Variants in FAM184A observed in about 807,000 individuals in gnomAD.
FAM184A encodes the protein family with sequence similarity 184 member A.
FAM184A carries 99 observed loss-of-function variants against 143.8 expected under a neutral mutation model. That is an observed-to-expected ratio of 0.69 (90% CI 0.58 to 0.81). FAM184A has a LOEUF of 0.81. Among genes scored for constraint, FAM184A ranks in the 40% least tolerant of loss-of-function variants. The pLI is 0.00. For synonymous variants in FAM184A, 427 were observed against 446.4 expected, an observed-to-expected ratio of 0.96 and a Z score of 0.55; for missense variants, 1,217 against 1,310.5, an observed-to-expected ratio of 0.93 and a Z score of 1.10.
At chr6:119,098,728 C>T (rs1367532279) in intron 1 of FAM184A, among the ~76,000 whole-genome samples, 4 of 152,160 alleles carry the variant, frequency 2.6e-5, no homozygotes, top group Non-Finnish European at 5.9e-5. Context: ...GAACAAAGAA[C>T]CGTGGTCAGA....
chr6:119,090,038 C>T (rs911232799), intron 1 of FAM184A, among the ~76,000 whole-genome samples: 5 of 152,172 alleles, frequency 3.3e-5, no homozygotes, highest in African/African-American at 1.2e-4. Flanking sequence ...ACAACACAGC[C>T]AACCCTTTCT....
chr6:118,983,709 A>G (rs1784087696), intron 9 of FAM184A, among the ~76,000 whole-genome samples: 1 of 152,144 alleles, frequency 6.6e-6, no homozygotes, highest in Non-Finnish European at 1.5e-5. Context: ...TTTTAGAGAC[A>G]ATTTTAAAGG....
intron 6 of FAM184A, among the ~76,000 whole-genome samples, chr6:119,009,106 TA>T (rs1425662252): frequency 6.6e-6 from 1 of 152,232 alleles, no homozygotes; most frequent in Non-Finnish European, 1.5e-5. Flanking sequence ...TATGCTTTAG[TA>T]ACTGGTACCT....
chr6:119,142,873 C>T (rs144222180), intron 1 of FAM184A, among the ~76,000 whole-genome samples: 69 of 152,176 alleles, frequency 4.5e-4, no homozygotes, highest in African/African-American at 7.0e-4. Context: ...TATTGCTGAC[C>T]GGATAAAATG....
Position 119,102,176 on chromosome 6 carries a change from C to G in FAM184A, c.-202+46902G>C, listed in dbSNP as rs150099136. ...AGTAGTTAGGGCAGGGCACAGGAAA[C>G]AGCAGATTGTTTTCCATCCCTCATC... is the stretch of plus-strand genomic sequence containing the variant. On this transcript the variant is annotated intron_variant, in intron 1 of 16. Transcript: ENST00000352896. Among the ~76,000 whole-genome samples the G allele has an allele frequency of 1.7e-3, 262 of 152,210 alleles. 1 individual carries two copies. The highest frequency in any genetic ancestry group is 5.8e-3 in the African/African-American group (242 of 41,522).
intron 1 of FAM184A, among the ~76,000 whole-genome samples, chr6:119,136,959 G>T (rs1162960482): frequency 6.6e-6 from 1 of 152,200 alleles, no homozygotes; most frequent in Non-Finnish European, 1.5e-5. Flanking sequence ...TGGCAAAATT[G>T]CAGATAGCTA....
intron 2 of FAM184A, among the ~76,000 whole-genome samples, chr6:119,023,562 C>CA (rs1554269170): frequency 8.5e-6 from 1 of 118,204 alleles, no homozygotes; most frequent in African/African-American, 3.4e-5. Context: ...TCCGCCCCCC[C>CA]CCCCAGGAAC....
upstream of FAM184A, among the ~76,000 whole-genome samples, chr6:119,083,398 A>C (rs1286764383): frequency 6.6e-6 from 1 of 152,226 alleles, no homozygotes; most frequent in African/African-American, 2.4e-5. Context: ...TTTCTACCAC[A>C]GGATCAGGCT....
At position 119,078,312 on chromosome 6, in the gene FAM184A, C is replaced by T; in HGVS notation, c.-13G>A. 6.9e-7 allele frequency: 1 copy of T among 1,439,074 alleles called. No homozygotes were observed. The allele number at this position is 1,439,074 out of a possible 1,614,324, so 89.1% of individuals were successfully genotyped here. On this transcript the variant is annotated 5_prime_UTR_variant, in exon 1 of 18. Coordinates refer to ENST00000338891, the MANE Select transcript of FAM184A (RefSeq NM_024581.6). This position sits in a 1 kb window ranked among gnomAD's most constrained non-coding sequence, Gnocchi z 5.5. ...CCGGGGTCGCCATCTTCCCAACAGA[C>T]CCCAGCCGGGGCACCTGTCCCCGCG...
intron 5 of FAM184A, among the ~76,000 whole-genome samples, chr6:119,011,794 A>G (rs1260452110): frequency 6.6e-6 from 1 of 152,246 alleles, no homozygotes; most frequent in African/African-American, 2.4e-5. Flanking sequence ...ATCCAGTGAC[A>G]CTTCTACAAA....
intron 9 of FAM184A, among the ~76,000 whole-genome samples, chr6:118,983,951 C>A (rs1242657826): frequency 6.6e-6 from 1 of 151,134 alleles, no homozygotes; most frequent in Non-Finnish European, 1.5e-5. Context: ...GCATTTGAGA[C>A]CGGCCTGGCC....
chr6:119,135,378 A>G lies in FAM184A; in HGVS notation c.-202+13700T>C, dbSNP rs1789635537. 2.6e-5 allele frequency among the ~76,000 whole-genome samples: 4 copies of G among 152,224 alleles called. No individual in the cohort carries two copies. In the South Asian group the frequency reaches 8.3e-4, roughly 32 times the overall value. On this transcript the variant is annotated intron_variant, in intron 1 of 16. Coordinates refer to the FAM184A transcript ENST00000352896. ...GAGAGGAACACACAAAAGGCTCTAAAGAATTGGTAATGCTGTGTTTCCCAA... is the reference window on the plus strand; with the variant it reads ...GAGAGGAACACACAAAAGGCTCTAAGGAATTGGTAATGCTGTGTTTCCCAA...
At chr6:119,126,434 G>A (rs762146783) in intron 1 of FAM184A, among the ~76,000 whole-genome samples, 1 of 152,216 alleles carries the variant, frequency 6.6e-6, no homozygotes, top group Non-Finnish European at 1.5e-5. Context: ...ACTGGAGCTA[G>A]CTAGCTGCTT....
intron 1 of FAM184A, among the ~76,000 whole-genome samples, chr6:119,025,159 T>C (rs1785585384): frequency 1.3e-5 from 2 of 152,198 alleles, no homozygotes; most frequent in South Asian, 4.1e-4. Context: ...TGTCCCAATC[T>C]AGCTTACCGG....
chr6:119,045,745 ATT>A (rs752194435), intron 1 of FAM184A, among the ~76,000 whole-genome samples: 7 of 152,198 alleles, frequency 4.6e-5, no homozygotes, highest in Non-Finnish European at 1.0e-4. Context: ...GATTTCCTAT[ATT>A]TTCATGCTCA....
At chr6:119,128,731 C>T (rs1789443795) in intron 1 of FAM184A, among the ~76,000 whole-genome samples, 2 of 152,228 alleles carry the variant, frequency 1.3e-5, no homozygotes, top group South Asian at 2.1e-4. Context: ...GGTATAGCAT[C>T]GCATGGCAGA....
intron 1 of FAM184A, among the ~76,000 whole-genome samples, chr6:119,108,313 T>C (rs1788842777): frequency 6.6e-6 from 1 of 152,172 alleles, no homozygotes; most frequent in Admixed American, 6.5e-5. Flanking sequence ...TTGGAGCACC[T>C]GTCTGGAGCA....
chr6:119,125,041 GA>G (rs1470215806), intron 1 of FAM184A, among the ~76,000 whole-genome samples: 6 of 152,168 alleles, frequency 3.9e-5, no homozygotes, highest in Non-Finnish European at 8.8e-5. Flanking sequence ...AAAGTGCCTT[GA>G]AAGGTGTTAT....
chr6:119,131,842 G>A (rs1789543107), intron 1 of FAM184A, among the ~76,000 whole-genome samples: 1 of 151,128 alleles, frequency 6.6e-6, no homozygotes, highest in South Asian at 2.1e-4. Flanking sequence ...ATTGTGTTTT[G>A]TGCTATAGAT....
Sources: gnomAD v4.1 joint callset for allele counts (sites outside exome capture counted in the v4.1 genomes callset) on GRCh38, gnomAD v4.1.1 for gene constraint, Gnocchi (gnomAD v3.1) non-coding constraint, MANE v1.5 for transcripts, NCBI Gene and HGNC (gene_info 2026-07-23, HGNC 2026-07-21) for gene names.